ST6GALNAC5: variants seen among roughly 807,000 people sequenced by gnomAD.
ST6GALNAC5 encodes the protein alpha-N-acetylgalactosaminide alpha-2,6-sialyltransferase 5.
Under a neutral mutation model 33.6 loss-of-function variants are expected in ST6GALNAC5, and 27 were observed. The ratio of observed to expected loss-of-function variants is 0.80; its 90% CI spans 0.59 to 1.11. The LOEUF is 1.11. ST6GALNAC5 is among the 50% of genes least tolerant of loss of function. The pLI is 0.00. For synonymous variants in ST6GALNAC5, 194 were observed against 171.2 expected (o/e 1.13, Z -1.04); for missense variants, 428 against 454.0 (o/e 0.94, Z 0.52).
At chr1:77,024,220 A>C (rs919749075) in intron 2 of ST6GALNAC5, among the ~76,000 whole-genome samples, 2 of 152,146 alleles carry the variant, frequency 1.3e-5, no homozygotes, top group East Asian at 3.8e-4. Context: ...CATTGGCTGC[A>C]GTTGTAATTT....
chr1:76,919,433 T>C (rs538886370), intron 2 of ST6GALNAC5, among the ~76,000 whole-genome samples: 19 of 152,268 alleles, frequency 1.2e-4, no homozygotes, highest in Middle Eastern at 3.4e-3. Context: ...CTTCTTCCCT[T>C]AATGGGTTTC....
In ST6GALNAC5 at chr1:77,065,416, C is replaced by G. The variant is rs1306481145; in HGVS notation, c.*2210C>G. The G allele has an allele frequency of 6.6e-6, 1 of 152,140 alleles. No individual in the cohort carries two copies. Among genetic ancestry groups the G allele is most frequent in the Non-Finnish European group, 1.5e-5 (1 of 68,030 alleles). 9.4% of individuals were successfully genotyped at this position (152,140 alleles called of 1,614,324 possible). A position where few individuals can be genotyped will look rare whatever the true frequency, so the allele number is the denominator to read the frequency against. ...TTGTAACTTCTCCCTCTCAAATACT[C>G]AGAAGAATGAAGAGGCCAAATTCAG... is the stretch of plus-strand genomic sequence containing the variant. On this transcript the variant is annotated 3_prime_UTR_variant, in exon 5 of 5. Coordinates refer to ENST00000477717, the MANE Select transcript of ST6GALNAC5 (RefSeq NM_030965.3).
intron 2 of ST6GALNAC5, among the ~76,000 whole-genome samples, chr1:76,955,593 A>G (rs1647926170): frequency 6.6e-6 from 1 of 152,156 alleles, no homozygotes; most frequent in East Asian, 1.9e-4. Context: ...AGTGTTTACA[A>G]ACTTTACTTC....
At position 77,044,393 on chromosome 1, in the gene ST6GALNAC5, A is replaced by C. The variant is rs751221511; in HGVS notation, c.451A>C (p.Arg151=). The change falls in exon 3 of 5, where the codon AGG becomes CGG. Residue 151 remains arginine, a synonymous_variant. Transcript: ENST00000477717. ...GGTCATCGCGCATTCCAGCATCCAG[A>C]GGATCCTCCGCAACCGCCATGACCT... ...LRVIAHSSIQ[R]ILRNRHDLLN... 1 of 1,613,450 alleles carries C rather than the reference A, an allele frequency of 6.2e-7. No individual in the cohort carries two copies. Among genetic ancestry groups the C allele is most frequent in the East Asian group, 2.2e-5 (1 of 44,854 alleles).
In ST6GALNAC5 at chr1:77,039,229, T is replaced by C. The variant is rs189704941; in HGVS notation, c.262-4975T>C. Among the ~76,000 whole-genome samples the C allele has an allele frequency of 1.6e-3, 246 of 152,328 alleles. 1 individual carries two copies. The highest frequency in any genetic ancestry group is 5.5e-3 in the African/African-American group (229 of 41,576). ...CTCTTCCATGTGCTGTGCATTTTCC[T>C]GGGCATTTTTCACCTCACAACAGCT... On this transcript the variant is annotated intron_variant, in intron 2 of 4. Transcript: ENST00000477717.
At chr1:76,887,779 CAG>C (rs1244752037) in intron 2 of ST6GALNAC5, among the ~76,000 whole-genome samples, 1 of 152,168 alleles carries the variant, frequency 6.6e-6, no homozygotes, top group Non-Finnish European at 1.5e-5. Flanking sequence ...GAATGCTTGA[CAG>C]AGATTTACCC....
chr1:77,039,279 T>C (rs1009935076), intron 2 of ST6GALNAC5, among the ~76,000 whole-genome samples: 1 of 152,230 alleles, frequency 6.6e-6, no homozygotes, highest in Non-Finnish European at 1.5e-5. Context: ...ATCAAGCTCT[T>C]ACTGGGGATT....
At chr1:77,048,957 TC>T (rs1382218612) in intron 3 of ST6GALNAC5, among the ~76,000 whole-genome samples, 2 of 152,100 alleles carry the variant, frequency 1.3e-5, no homozygotes, top group Admixed American at 1.3e-4. Flanking sequence ...CTTATTCCCA[TC>T]TTTAGGAGCT....
chr1:77,048,680 G>T (rs1557774239), intron 3 of ST6GALNAC5, among the ~76,000 whole-genome samples: 1 of 152,256 alleles, frequency 6.6e-6, no homozygotes, highest in South Asian at 2.1e-4. Flanking sequence ...TTTCTTCATG[G>T]TTGCTAAAAA....
In ST6GALNAC5 at chr1:77,065,245, T is replaced by C. The variant is rs1391540592; in HGVS notation, c.*2039T>C. ...CATAAGTGGCTCCTTTGGCAATTTC[T>C]ATATTTGTGGAAATTTGGAAAGGCA... is the stretch of plus-strand genomic sequence containing the variant. On this transcript the variant is annotated 3_prime_UTR_variant, in exon 5 of 5. Coordinates refer to ENST00000477717, the MANE Select transcript of ST6GALNAC5 (RefSeq NM_030965.3). 6.6e-6 allele frequency: 1 copy of C among 152,220 alleles called. No individual in the cohort carries two copies. The highest frequency in any genetic ancestry group is 2.4e-5 in the African/African-American group (1 of 41,456). The allele number at this position is 152,220 out of a possible 1,614,324, so 9.4% of individuals were successfully genotyped here.
At chr1:76,954,954 G>A (rs545687533) in intron 2 of ST6GALNAC5, among the ~76,000 whole-genome samples, 1 of 152,238 alleles carries the variant, frequency 6.6e-6, no homozygotes, top group East Asian at 1.9e-4. Flanking sequence ...TACTTGATGA[G>A]TTCTGGTCTA....
chr1:77,030,467 A>G (rs923821565), intron 2 of ST6GALNAC5, among the ~76,000 whole-genome samples: 5 of 152,248 alleles, frequency 3.3e-5, no homozygotes, highest in African/African-American at 9.6e-5. Context: ...ATTGATCGTC[A>G]TTATGACTGT....
At chr1:76,917,658 A>G (rs1022442347) in intron 2 of ST6GALNAC5, among the ~76,000 whole-genome samples, 1 of 151,318 alleles carries the variant, frequency 6.6e-6, no homozygotes, top group Admixed American at 6.6e-5. Context: ...ATATAAAAAT[A>G]TATATTTATA....
intron 2 of ST6GALNAC5, among the ~76,000 whole-genome samples, chr1:76,974,409 C>G (rs1296315754): frequency 6.6e-6 from 1 of 151,662 alleles, no homozygotes; most frequent in Non-Finnish European, 1.5e-5. Flanking sequence ...GGTTTCTCTT[C>G]CCAGGCAGGT....
chr1:77,042,992 C>T (rs770780463), intron 2 of ST6GALNAC5, among the ~76,000 whole-genome samples: 4 of 152,174 alleles, frequency 2.6e-5, no homozygotes, highest in Non-Finnish European at 5.9e-5. Flanking sequence ...CCCTCGGGTG[C>T]TCTCAGTGTA....
rs552182350 is a variant in ST6GALNAC5, at chr1:76,883,112, C to A, written c.261+14370C>A. 5.3e-5 allele frequency among the ~76,000 whole-genome samples: 8 copies of A among 152,304 alleles called. No homozygotes were observed. The South Asian group carries it at 1.7e-3, about 32-fold the overall frequency. On this transcript the variant is annotated intron_variant, in intron 2 of 4. Coordinates refer to ENST00000477717, the MANE Select transcript of ST6GALNAC5 (RefSeq NM_030965.3). ...CAATCACATATTGACTGAGTAGCTA[C>A]CGTGTGGTAGGCACAAGGGAGGAAA... is the stretch of plus-strand genomic sequence containing the variant.
chr1:76,897,256 A>T (rs1335979882), intron 2 of ST6GALNAC5, among the ~76,000 whole-genome samples: 1 of 152,192 alleles, frequency 6.6e-6, no homozygotes, highest in African/African-American at 2.4e-5. Context: ...AGCAGGTTTG[A>T]GATCTGGAAC....
At chr1:76,867,827 C>T (rs1020274468) in intron 1 of ST6GALNAC5, 137 bp downstream of exon 1, 3 of 1,258,116 alleles carry the variant, frequency 2.4e-6, no homozygotes, top group Non-Finnish European at 1.1e-6. Flanking sequence ...AACTTTCTAC[C>T]CGCTCCGCGT....
intron 2 of ST6GALNAC5, among the ~76,000 whole-genome samples, chr1:77,028,329 T>C (rs962549500): frequency 6.6e-6 from 1 of 152,112 alleles, no homozygotes; most frequent in Non-Finnish European, 1.5e-5. Context: ...AATCAAAGGA[T>C]GGAAAATCTC....
Sources: gnomAD v4.1 joint callset for allele counts (sites outside exome capture counted in the v4.1 genomes callset) on GRCh38, gnomAD v4.1.1 for gene constraint, MANE v1.5 for transcripts, NCBI Gene and HGNC (gene_info 2026-07-23, HGNC 2026-07-21) for gene names.